Variants in OTUD4 observed in about 807,000 individuals in gnomAD.
OTUD4 encodes the protein OTU domain-containing protein 4.
Under a neutral mutation model 130.4 loss-of-function variants are expected in OTUD4, and 24 were observed. The ratio of observed to expected loss-of-function variants is 0.18; its 90% CI spans 0.13 to 0.26. OTUD4 has a LOEUF of 0.26. OTUD4 is among the 10% of genes least tolerant of loss of function. The pLI, the probability that OTUD4 is intolerant of heterozygous loss-of-function variation, is 1.00. For synonymous variants in OTUD4, 420 were observed against 472.5 expected (o/e 0.89, Z 1.44); for missense variants, 1,031 against 1,329.4 (o/e 0.78, Z 3.49).
In OTUD4 at chr4:145,134,526, A is replaced by G; in HGVS notation, c.*2904T>C. 2 of 395,488 alleles carry G rather than the reference A, an allele frequency of 5.1e-6. No homozygotes were observed. Among genetic ancestry groups the G allele is most frequent in the Non-Finnish European group, 8.9e-6 (2 of 224,290 alleles). 24.5% of individuals were successfully genotyped at this position (395,488 alleles called of 1,614,324 possible). ...TTGCAGTTCACAGGCATTTTAATTCAACCTTGAGTCACAAAGGAAACAACA... is the reference window on the plus strand; with the variant it reads ...TTGCAGTTCACAGGCATTTTAATTCGACCTTGAGTCACAAAGGAAACAACA... On this transcript the variant is annotated 3_prime_UTR_variant, in exon 21 of 21. Coordinates refer to ENST00000447906, the MANE Select transcript of OTUD4 (RefSeq NM_001366057.1).
chr4:145,170,572 T>C (rs1254889090), intron 3 of OTUD4, among the ~76,000 whole-genome samples: 1 of 152,252 alleles, frequency 6.6e-6, no homozygotes, highest in Non-Finnish European at 1.5e-5. Context: ...TCTCCTTTTC[T>C]AGCTTGTATT....
intron 7 of OTUD4, among the ~76,000 whole-genome samples, chr4:145,157,051 A>G (rs887730267): frequency 1.3e-5 from 2 of 152,208 alleles, no homozygotes; most frequent in African/African-American, 4.8e-5. Flanking sequence ...ATCTCCTGGT[A>G]AACACCAAGG....
rs1263748353 is a variant in OTUD4 at position 145,138,535 on chromosome 4, G to A, written c.2240C>T (p.Pro747Leu). 1.2e-6 allele frequency: 2 copies of A among 1,614,094 alleles called. No individual in the cohort carries two copies. ...KVPVPVYPHN[P>L]WFQEAPAAQN... is the part of the protein sequence containing the mutation. ...AGCAGCAGGAGCCTCTTGGAACCAG[G>A]GATTATGAGGATAAACAGGGACAGG... The change falls in exon 21 of 21, where the codon CCC becomes CTC. Residue 747 changes from proline to leucine, a missense_variant. By Grantham distance (98) the Pro-to-Leu change is moderately conservative. Transcript: ENST00000447906.
At chr4:145,179,485 A>C in intron 1 of OTUD4, 2 of 523,024 alleles carry the variant, frequency 3.8e-6, no homozygotes, top group Non-Finnish European at 5.3e-6. Context: ...TGAATGCGGA[A>C]CAAAAGTAAA....
chr4:145,140,202 C>T (rs1750494673), intron 19 of OTUD4, among the ~76,000 whole-genome samples: 1 of 152,082 alleles, frequency 6.6e-6, no homozygotes, highest in Non-Finnish European at 1.5e-5. Flanking sequence ...TAGGCTTTGT[C>T]TGTTAGCATA....
chr4:145,134,394 G>A lies in OTUD4; in HGVS notation c.*3036C>T, dbSNP rs747770854. ...CCTCATCTAAAAATGAAGGTAAAACGAAAGAGGCAAAAATAAATATTGCTA... is the reference window on the plus strand; with the variant it reads ...CCTCATCTAAAAATGAAGGTAAAACAAAAGAGGCAAAAATAAATATTGCTA... On this transcript the variant is annotated 3_prime_UTR_variant, in exon 21 of 21. Coordinates refer to ENST00000447906, the MANE Select transcript of OTUD4 (RefSeq NM_001366057.1). 8 of 267,254 alleles carry A rather than the reference G, an allele frequency of 3.0e-5. No homozygotes were observed. Among genetic ancestry groups the A allele is most frequent in the African/African-American group, 4.4e-5 (2 of 45,740 alleles). The allele number at this position is 267,254 out of a possible 1,614,324, so 16.6% of individuals were successfully genotyped here.
At chr4:145,173,157 C>T (rs1036849971) in intron 2 of OTUD4, among the ~76,000 whole-genome samples, 5 of 152,072 alleles carry the variant, frequency 3.3e-5, no homozygotes, top group Non-Finnish European at 5.9e-5. Context: ...TTTGGGAGGC[C>T]GGGGCAGGCA....
At chr4:145,178,061 T>C (rs1441310552) in intron 1 of OTUD4, 1 of 152,222 alleles carries the variant, frequency 6.6e-6, no homozygotes, top group East Asian at 1.9e-4. Context: ...CTGAGTCACA[T>C]AACTGGGAAG....
intron 6 of OTUD4, among the ~76,000 whole-genome samples, chr4:145,161,841 A>G (rs1169762457): frequency 6.6e-6 from 1 of 152,268 alleles, no homozygotes; most frequent in Non-Finnish European, 1.5e-5. Flanking sequence ...TGGATTTTCA[A>G]GCTATACACT....
intron 3 of OTUD4, among the ~76,000 whole-genome samples, chr4:145,169,484 AT>A (rs1156887710): frequency 3.3e-5 from 5 of 152,082 alleles, no homozygotes; most frequent in South Asian, 2.1e-4. Context: ...AGGCAAAAAA[AT>A]ATATTTATTT....
At chr4:145,149,262 A>G (rs559777041) in intron 13 of OTUD4, among the ~76,000 whole-genome samples, 24 of 152,268 alleles carry the variant, frequency 1.6e-4, no homozygotes, top group Non-Finnish European at 2.8e-4. Context: ...AACCTCAAGG[A>G]CTGCAGTCAA....
intron 2 of OTUD4, among the ~76,000 whole-genome samples, chr4:145,173,454 T>G (rs1409388311): frequency 6.6e-6 from 1 of 152,122 alleles, no homozygotes; most frequent in Non-Finnish European, 1.5e-5. Context: ...GCCTGGCATA[T>G]AGTAAGCACC....
At chr4:145,158,491 A>T (rs1751398946) in intron 7 of OTUD4, among the ~76,000 whole-genome samples, 1 of 151,136 alleles carries the variant, frequency 6.6e-6, no homozygotes, top group African/African-American at 2.4e-5. Flanking sequence ...CAAAAACAAA[A>T]CAAAACAAAA....
chr4:145,163,689 CAATT>C (rs1271469965), intron 5 of OTUD4, among the ~76,000 whole-genome samples: 3 of 141,148 alleles, frequency 2.1e-5, no homozygotes, highest in Non-Finnish European at 3.1e-5. Flanking sequence ...GACTAAGTGA[CAATT>C]AATAGGAACC....
At position 145,138,081 on chromosome 4, in the gene OTUD4, A is replaced by G; in HGVS notation, c.2694T>C (p.Asp898=). ...GELDLSLENL[D]LSKDCGSVST... is the part of the protein sequence containing the mutation. ...AAACTGAACCACAATCTTTAGACAG[A>G]TCCAGATTTTCCAGAGACAGATCCA... Residue 898 remains aspartate (D), a synonymous_variant, in exon 21 of 21, where the codon GAT becomes GAC. Transcript: ENST00000447906. 6.2e-7 allele frequency: 1 copy of G among 1,614,114 alleles called. No homozygotes were observed. Among genetic ancestry groups the G allele is most frequent in the Non-Finnish European group, 8.5e-7 (1 of 1,179,982 alleles).
chr4:145,156,371 G>A (rs114623370), intron 7 of OTUD4, among the ~76,000 whole-genome samples: 408 of 152,194 alleles, frequency 2.7e-3, no homozygotes, highest in African/African-American at 9.2e-3. Flanking sequence ...AGGCAGATTC[G>A]ACAACCCTTT....
intron 6 of OTUD4, among the ~76,000 whole-genome samples, chr4:145,160,205 C>T (rs975106917): frequency 4.6e-5 from 7 of 152,160 alleles, no homozygotes; most frequent in Non-Finnish European, 7.4e-5. Flanking sequence ...AGCTTTCCCA[C>T]TAATTGTAAC....
rs556428472 is a variant in OTUD4 at position 145,165,813 on chromosome 4, A to G, written c.295-616T>C. Among the ~76,000 whole-genome samples, 8 of 152,260 alleles carry G rather than the reference A, an allele frequency of 5.3e-5. No homozygotes were observed. The South Asian group carries it at 1.7e-3, about 32-fold the overall frequency. ...GTATTGAAGGCAAGGGCTATCCTCC[A>G]GCCTAGCCCTCAGGAGAGCGCCTGG... is the stretch of plus-strand genomic sequence containing the variant. On this transcript the variant is annotated intron_variant, in intron 3 of 20. Coordinates refer to ENST00000447906, the MANE Select transcript of OTUD4 (RefSeq NM_001366057.1).
intron 10 of OTUD4, among the ~76,000 whole-genome samples, chr4:145,153,959 A>G (rs1355287385): frequency 1.3e-5 from 2 of 152,248 alleles, no homozygotes; most frequent in African/African-American, 4.8e-5. Flanking sequence ...ATGTTATCCA[A>G]AAGAATGGTC....
Sources: gnomAD v4.1 joint callset for allele counts (sites outside exome capture counted in the v4.1 genomes callset) on GRCh38, gnomAD v4.1.1 for gene constraint, MANE v1.5 for transcripts, NCBI Gene and HGNC (gene_info 2026-07-23, HGNC 2026-07-21) for gene names.